Variants in FGF14 observed in about 807,000 individuals in gnomAD.
FGF14 encodes the protein fibroblast growth factor homologous factor 4.
Under a neutral mutation model 25.5 loss-of-function variants are expected in FGF14, and 5 were observed. The observed-to-expected ratio is 0.20, with a 90% confidence interval of 0.10 to 0.41. The LOEUF (loss-of-function observed/expected upper bound fraction) is 0.41, where lower values mean the gene tolerates loss of function less well. Among genes scored for constraint, FGF14 ranks in the 10% least tolerant of loss-of-function variants. The pLI is 1.00. For missense variants in FGF14, 222 were observed against 320.1 expected, an observed-to-expected ratio of 0.69 and a Z score of 2.34; for synonymous variants, 138 against 118.3, an observed-to-expected ratio of 1.17 and a Z score of -1.08.
At chr13:102,123,679 C>G (rs498351) in intron 1 of FGF14, among the ~76,000 whole-genome samples, 103,078 of 151,970 alleles carry the variant, frequency 0.68, 36,444 homozygotes, top group East Asian at 0.9. Context: ...CAAAGTTTTT[C>G]TATTAGAGAT....
chr13:102,082,966 G>GA (rs200324400), intron 1 of FGF14, among the ~76,000 whole-genome samples: 4 of 151,874 alleles, frequency 2.6e-5, no homozygotes, highest in Admixed American at 6.5e-5. Context: ...TCAAAAAAAA[G>GA]AAAAAAAGAG....
At chr13:102,351,166 TTA>T in intron 1 of FGF14, among the ~76,000 whole-genome samples, 1 of 152,306 alleles carries the variant, frequency 6.6e-6, no homozygotes, top group African/African-American at 2.4e-5. Flanking sequence ...GAATCTCTCA[TTA>T]TATTTCTTTC....
At chr13:102,172,837 G>T (rs910842341) in intron 1 of FGF14, among the ~76,000 whole-genome samples, 1 of 152,196 alleles carries the variant, frequency 6.6e-6, no homozygotes, top group African/African-American at 2.4e-5. Context: ...GAGGTGGGGA[G>T]CCCCAGGTGC....
chr13:101,796,501 T>C (rs2040530283), intron 3 of FGF14, among the ~76,000 whole-genome samples: 1 of 152,014 alleles, frequency 6.6e-6, no homozygotes, highest in Admixed American at 6.6e-5. Flanking sequence ...CCCAAATTCA[T>C]ATATTGAAGT....
chr13:101,908,166 C>T (rs529745501), intron 1 of FGF14, among the ~76,000 whole-genome samples: 1 of 152,096 alleles, frequency 6.6e-6, no homozygotes, highest in South Asian at 2.1e-4. Context: ...ACCAAGGGGC[C>T]CCCTGAGGTT....
At chr13:101,723,520 T>C (rs1418019860) in intron 4 of FGF14, among the ~76,000 whole-genome samples, 2 of 152,062 alleles carry the variant, frequency 1.3e-5, no homozygotes, top group Non-Finnish European at 2.9e-5. Context: ...CAAATAACTC[T>C]CTTCCCATAA....
intron 1 of FGF14, among the ~76,000 whole-genome samples, chr13:102,051,066 T>C (rs1479345205): frequency 6.6e-6 from 1 of 152,182 alleles, no homozygotes; most frequent in Non-Finnish European, 1.5e-5. Flanking sequence ...CTGTGGTCAA[T>C]ATGCAAGTGC....
chr13:102,141,397 C>A (rs1293025407), intron 1 of FGF14, among the ~76,000 whole-genome samples: 1 of 152,174 alleles, frequency 6.6e-6, no homozygotes, highest in African/African-American at 2.4e-5. Context: ...TTTCATGTAG[C>A]TTTCTAGTGA....
intron 3 of FGF14, among the ~76,000 whole-genome samples, chr13:101,731,359 T>C (rs1403952092): frequency 1.3e-5 from 2 of 152,178 alleles, no homozygotes; most frequent in Non-Finnish European, 2.9e-5. Flanking sequence ...TGACTATGTT[T>C]AGAACCATCA....
At chr13:102,167,015 C>A (rs1035553719) in intron 1 of FGF14, among the ~76,000 whole-genome samples, 1 of 151,850 alleles carries the variant, frequency 6.6e-6, no homozygotes, top group Non-Finnish European at 1.5e-5. Flanking sequence ...AAAGACAAAG[C>A]GAATTGGCAG....
intron 1 of FGF14, among the ~76,000 whole-genome samples, chr13:102,038,945 A>G (rs975127401): frequency 2.0e-5 from 3 of 152,182 alleles, no homozygotes; most frequent in African/African-American, 7.2e-5. Flanking sequence ...CCAATTGCTG[A>G]GTATGTACTG....
At chr13:102,243,144 G>A (rs2051686084) in intron 1 of FGF14, among the ~76,000 whole-genome samples, 1 of 152,088 alleles carries the variant, frequency 6.6e-6, no homozygotes, top group Non-Finnish European at 1.5e-5. Context: ...CAGCAACATG[G>A]AAATATGCTG....
intron 1 of FGF14, among the ~76,000 whole-genome samples, chr13:101,968,310 A>T (rs908196177): frequency 1.3e-5 from 2 of 152,210 alleles, no homozygotes; most frequent in African/African-American, 4.8e-5. Flanking sequence ...AAGATACTGA[A>T]CAGTAACAAA....
intron 1 of FGF14, among the ~76,000 whole-genome samples, chr13:101,922,971 C>G (rs898654648): frequency 2.0e-5 from 3 of 152,032 alleles, no homozygotes; most frequent in Non-Finnish European, 1.5e-5. Flanking sequence ...GCCATTGCCA[C>G]GGCCACTATT....
intron 1 of FGF14, among the ~76,000 whole-genome samples, chr13:102,325,037 A>AT (rs1366194353): frequency 3.3e-5 from 5 of 152,082 alleles, no homozygotes; most frequent in East Asian, 1.9e-4. Flanking sequence ...CCATCAAAAG[A>AT]TTTTTTTAAA....
chr13:101,875,539 A>G (rs1258730368), intron 1 of FGF14, among the ~76,000 whole-genome samples: 1 of 152,108 alleles, frequency 6.6e-6, no homozygotes, highest in African/African-American at 2.4e-5. Flanking sequence ...GCATATTTAA[A>G]TTATTAATTA....
intron 1 of FGF14, 58 bp downstream of exon 1, chr13:101,916,395 C>T (rs1043999696): frequency 1.9e-5 from 31 of 1,594,712 alleles, no homozygotes; most frequent in African/African-American, 2.7e-5. Context: ...GGAGAAGCTC[C>T]GTTTAGGCGG....
rs373095256 is a variant in FGF14, at chr13:101,871,909, A to T, written c.305-3081T>A. 3.9e-5 allele frequency among the ~76,000 whole-genome samples: 6 copies of T among 152,068 alleles called. No homozygotes were observed. In the South Asian group the frequency reaches 6.2e-4, roughly 16 times the overall value. ...ACCCATCATCCACAATTTTTGTGCT[A>T]CTTTTCCTTCCCAGAGATCTACATA... On this transcript the variant is annotated intron_variant, in intron 2 of 4. Coordinates refer to ENST00000376143, the MANE Select transcript of FGF14 (RefSeq NM_004115.4).
chr13:101,850,617 T>TA (rs1183874384), intron 3 of FGF14, among the ~76,000 whole-genome samples: 3 of 138,020 alleles, frequency 2.2e-5, no homozygotes, highest in Admixed American at 7.4e-5. Flanking sequence ...ATAGCATATA[T>TA]ATTCTATATA....
Sources: gnomAD v4.1 joint callset for allele counts (sites outside exome capture counted in the v4.1 genomes callset) on GRCh38, gnomAD v4.1.1 for gene constraint, MANE v1.5 for transcripts, NCBI Gene and HGNC (gene_info 2026-07-23, HGNC 2026-07-21) for gene names.